The following SDK1 variants were observed in gnomAD, a reference collection of about 807,000 sequenced individuals.
SDK1 encodes sidekick cell adhesion molecule 1, also known as protein sidekick-1.
In SDK1, 157 loss-of-function variants were observed where a neutral mutation model predicts 245.5. The observed-to-expected ratio is 0.64, with a 90% CI of 0.56 to 0.73. SDK1 has a LOEUF of 0.73. SDK1 is among the 30% of genes least tolerant of loss of function. The pLI, the probability that SDK1 is intolerant of heterozygous loss-of-function variation, is 0.00. For missense variants in SDK1, 3,583 were observed against 3,002.3 expected, an observed-to-expected ratio of 1.19 and a Z score of -4.52; for synonymous variants, 1,647 against 1,278.5, an observed-to-expected ratio of 1.29 and a Z score of -6.15.
chr7:3,726,382 G>A (rs77556587), intron 4 of SDK1, among the ~76,000 whole-genome samples: 5,559 of 152,294 alleles, frequency 0.037, 346 homozygotes, highest in African/African-American at 0.12. Context: ...TTTAAAAGCA[G>A]TCACTCGACT....
At chr7:3,349,188 TAA>T (rs112013810) in intron 1 of SDK1, among the ~76,000 whole-genome samples, 1 of 150,424 alleles carries the variant, frequency 6.6e-6, no homozygotes, top group Non-Finnish European at 1.5e-5. Flanking sequence ...GGTTGCAGTT[TAA>T]AAAAAAACAA....
rs1562730660 is a variant in SDK1 at position 4,051,101 on chromosome 7, A to ACAC, written c.2719-537_2719-536insCAC. Among the ~76,000 whole-genome samples the ACAC allele has an allele frequency of 3.4e-4, 48 of 139,922 alleles. 1 individual carries two copies. In the South Asian group the frequency reaches 0.01, roughly 30 times the overall value. 91.8% of individuals were successfully genotyped at this position (139,922 alleles called of 152,430 possible). On this transcript the variant is annotated intron_variant, in intron 18 of 44. Coordinates refer to ENST00000404826, the MANE Select transcript of SDK1 (RefSeq NM_152744.4). The stretch of plus-strand genomic sequence containing the variant: ...TATATATAGTATACTATATGTGTAT[A>ACAC]TAATATATATGTATAATATATACAT...
In SDK1 at chr7:3,399,402, G is replaced by A. The variant is rs771830081; in HGVS notation, c.298+97518G>A. Among the ~76,000 whole-genome samples the A allele has an allele frequency of 1.5e-4, 23 of 152,018 alleles. 1 individual carries two copies. Among genetic ancestry groups the A allele is most frequent in the South Asian group, 8.3e-4 (4 of 4,826 alleles). On this transcript the variant is annotated intron_variant, in intron 1 of 44. Transcript: ENST00000404826. ...CATGATGGTTTCCTTTAAAGTTTAC[G>A]TCTTAAGTTCAACATCTAGGCTTCA... is the stretch of plus-strand genomic sequence containing the variant.
At chr7:3,679,973 A>C (rs1228964690) in intron 4 of SDK1, among the ~76,000 whole-genome samples, 1 of 151,442 alleles carries the variant, frequency 6.6e-6, no homozygotes, top group Non-Finnish European at 1.5e-5. Flanking sequence ...CAGAGGCTTT[A>C]TTTGTAATAG....
intron 4 of SDK1, among the ~76,000 whole-genome samples, chr7:3,754,968 T>A (rs546179860): frequency 3.3e-4 from 50 of 152,340 alleles, no homozygotes; most frequent in African/African-American, 1.2e-3. Flanking sequence ...GGCGATGTTT[T>A]ATCTAATTTC....
chr7:3,304,426 A>G (rs1387025400), intron 1 of SDK1, among the ~76,000 whole-genome samples: 1 of 152,170 alleles, frequency 6.6e-6, no homozygotes, highest in Non-Finnish European at 1.5e-5. Flanking sequence ...TGGTGCCTTT[A>G]GCTTTACTGC....
chr7:3,524,207 G>A (rs1299849921), intron 1 of SDK1, among the ~76,000 whole-genome samples: 6 of 152,202 alleles, frequency 3.9e-5, no homozygotes, highest in Non-Finnish European at 5.9e-5. Context: ...GGTGAGGTCA[G>A]GGGCACCAGT....
At chr7:4,170,380 G>A (rs1323705660) in intron 32 of SDK1, among the ~76,000 whole-genome samples, 4 of 152,080 alleles carry the variant, frequency 2.6e-5, no homozygotes, top group Admixed American at 6.6e-5. Context: ...CCAGGAGGTC[G>A]AGGCTGCAGT....
chr7:4,096,398 CA>C (rs1432566684), intron 22 of SDK1, among the ~76,000 whole-genome samples: 1 of 152,042 alleles, frequency 6.6e-6, no homozygotes, highest in Non-Finnish European at 1.5e-5. Context: ...ACCCTCCCGG[CA>C]ATGGTTGTTA....
At chr7:4,154,099 G>A (rs1188733845) in intron 30 of SDK1, among the ~76,000 whole-genome samples, 1 of 152,216 alleles carries the variant, frequency 6.6e-6, no homozygotes, top group Non-Finnish European at 1.5e-5. Context: ...CCAAAATGAA[G>A]GAATGGAGCT....
chr7:3,774,044 C>T (rs966492137), intron 4 of SDK1, among the ~76,000 whole-genome samples: 5 of 151,850 alleles, frequency 3.3e-5, no homozygotes, highest in Admixed American at 6.6e-5. Context: ...GAAACCCTGT[C>T]TCTACTAAAA....
intron 35 of SDK1, among the ~76,000 whole-genome samples, chr7:4,189,323 C>T (rs1023095969): frequency 2.0e-5 from 3 of 152,122 alleles, no homozygotes; most frequent in Non-Finnish European, 4.4e-5. Flanking sequence ...CACCGCCAAT[C>T]GCAGCTCAAG....
intron 1 of SDK1, among the ~76,000 whole-genome samples, chr7:3,587,030 G>T (rs1780713366): frequency 6.6e-6 from 1 of 152,206 alleles, no homozygotes; most frequent in Admixed American, 6.5e-5. Context: ...AGGACCCTGG[G>T]CACAGTGCAG....
At chr7:4,223,991 C>T (rs1464029936) in intron 40 of SDK1, among the ~76,000 whole-genome samples, 1 of 152,140 alleles carries the variant, frequency 6.6e-6, no homozygotes, top group Non-Finnish European at 1.5e-5. Flanking sequence ...GCTGGGATAA[C>T]GGTGGCCACA....
chr7:4,121,956 T>G (rs1046253363), intron 25 of SDK1, among the ~76,000 whole-genome samples: 9 of 152,210 alleles, frequency 5.9e-5, no homozygotes, highest in Admixed American at 1.3e-4. Context: ...ATTGGGTTAT[T>G]GATCTTCATT....
chr7:3,472,089 C>T (rs573119057), intron 1 of SDK1, among the ~76,000 whole-genome samples: 1 of 152,120 alleles, frequency 6.6e-6, no homozygotes, highest in Admixed American at 6.5e-5. Flanking sequence ...CAGGTCCTTT[C>T]TTATCCTTTA....
At chr7:4,138,156 T>G (rs1779219498) in intron 28 of SDK1, among the ~76,000 whole-genome samples, 5 of 152,136 alleles carry the variant, frequency 3.3e-5, no homozygotes, top group Admixed American at 3.3e-4. Context: ...GAACCCAGAT[T>G]TCTGCAATTA....
intron 22 of SDK1, among the ~76,000 whole-genome samples, chr7:4,106,873 A>G (rs1782959386): frequency 6.6e-6 from 1 of 151,818 alleles, no homozygotes; most frequent in Non-Finnish European, 1.5e-5. Context: ...CCTGTGGCTG[A>G]GAGCCTGCCC....
At chr7:3,485,273 C>G (rs1023914800) in intron 1 of SDK1, among the ~76,000 whole-genome samples, 1 of 152,088 alleles carries the variant, frequency 6.6e-6, no homozygotes, top group Admixed American at 6.5e-5. Context: ...CATTTTTTCC[C>G]TAGACGTGGT....
Sources: allele counts gnomAD v4.1 joint callset (sites outside exome capture counted in the v4.1 genomes callset), GRCh38; gene constraint gnomAD v4.1.1; transcripts MANE v1.5; gene names NCBI Gene and HGNC (gene_info 2026-07-23, HGNC 2026-07-21).